Variants in PTPRD observed in about 807,000 individuals in gnomAD.
PTPRD encodes receptor-type tyrosine-protein phosphatase delta.
In PTPRD, 34 loss-of-function variants were observed where a neutral mutation model predicts 214.5. The observed-to-expected ratio is 0.16, with a 90% CI of 0.12 to 0.21. The LOEUF (loss-of-function observed/expected upper bound fraction) is 0.21. Among genes scored for constraint, PTPRD ranks in the 10% least tolerant of loss-of-function variants. The probability of loss-of-function intolerance (pLI) is 1.00; values close to 1 mark genes in which losing one functional copy is unlikely to be tolerated. For synonymous variants in PTPRD, 1,128 were observed against 845.7 expected (o/e 1.33, Z -5.79); for missense variants, 2,545 against 2,398.7 (o/e 1.06, Z -1.27).
At chr9:8,809,946 G>A (rs375505157) in intron 11 of PTPRD, among the ~76,000 whole-genome samples, 5 of 152,090 alleles carry the variant, frequency 3.3e-5, no homozygotes, top group South Asian at 4.1e-4. Context: ...AATTTGACAC[G>A]CTCTTGCAGA....
intron 2 of PTPRD, among the ~76,000 whole-genome samples, chr9:10,559,228 A>G (rs2063304540): frequency 6.6e-6 from 1 of 152,176 alleles, no homozygotes; most frequent in Non-Finnish European, 1.5e-5. Context: ...TTATATGCAT[A>G]CAAATTATAG....
chr9:8,869,080 AAAAG>A (rs1216421429), intron 11 of PTPRD, among the ~76,000 whole-genome samples: 1 of 152,202 alleles, frequency 6.6e-6, no homozygotes, highest in African/African-American at 2.4e-5. Context: ...GAGAAACAAA[AAAAG>A]AAAGAATTGG....
intron 11 of PTPRD, among the ~76,000 whole-genome samples, chr9:8,879,337 C>A (rs1376592998): frequency 6.6e-6 from 1 of 152,116 alleles, no homozygotes; most frequent in Non-Finnish European, 1.5e-5. Context: ...TGAGTACTGA[C>A]CATACAATGT....
intron 21 of PTPRD, among the ~76,000 whole-genome samples, chr9:8,510,976 G>C: frequency 6.6e-6 from 1 of 151,934 alleles, no homozygotes; most frequent in Non-Finnish European, 1.5e-5. Flanking sequence ...GGTCTACAGA[G>C]GTTCCATTTC....
At chr9:10,305,645 T>C (rs1262512228) in intron 3 of PTPRD, among the ~76,000 whole-genome samples, 1 of 152,096 alleles carries the variant, frequency 6.6e-6, no homozygotes, top group Non-Finnish European at 1.5e-5. Context: ...AGAAGACATT[T>C]ATGCAGCCAA....
At chr9:10,366,812 T>C (rs12551331) in intron 2 of PTPRD, among the ~76,000 whole-genome samples, 16,602 of 152,168 alleles carry the variant, frequency 0.11, 1,611 homozygotes, top group East Asian at 0.47. Context: ...AAAAAACTCA[T>C]AATTCTCCTT....
chr9:9,003,549 T>A (rs2099433728), intron 11 of PTPRD, among the ~76,000 whole-genome samples: 1 of 152,012 alleles, frequency 6.6e-6, no homozygotes, highest in Non-Finnish European at 1.5e-5. Context: ...GTTGGCTGGA[T>A]CTCAGTGTTC....
intron 11 of PTPRD, among the ~76,000 whole-genome samples, chr9:9,007,485 G>C (rs1159645600): frequency 6.6e-6 from 1 of 151,088 alleles, no homozygotes; most frequent in South Asian, 2.1e-4. Flanking sequence ...TTTTTTTTAT[G>C]TGCTTGACCC....
At chr9:9,280,450 A>C (rs1483902853) in intron 9 of PTPRD, among the ~76,000 whole-genome samples, 1 of 151,354 alleles carries the variant, frequency 6.6e-6, no homozygotes, top group Admixed American at 6.6e-5. Flanking sequence ...ATATAAGACT[A>C]ATTTATAAAA....
At chr9:8,695,672 G>T (rs948451378) in intron 12 of PTPRD, among the ~76,000 whole-genome samples, 22 of 152,034 alleles carry the variant, frequency 1.4e-4, no homozygotes, top group African/African-American at 5.3e-4. Flanking sequence ...AGCTACTATA[G>T]CTGAACTTCA....
At chr9:9,105,650 C>A (rs1018630034) in intron 10 of PTPRD, among the ~76,000 whole-genome samples, 7 of 152,090 alleles carry the variant, frequency 4.6e-5, no homozygotes, top group African/African-American at 1.7e-4. Flanking sequence ...TTTCCCATGG[C>A]ACAAAACAAA....
At chr9:8,585,639 T>A (rs1213190705) in intron 14 of PTPRD, among the ~76,000 whole-genome samples, 2 of 152,232 alleles carry the variant, frequency 1.3e-5, no homozygotes, top group African/African-American at 2.4e-5. Flanking sequence ...TCAGATTTCT[T>A]AGTATCCTTT....
At chr9:8,598,576 G>C (rs534928721) in intron 14 of PTPRD, among the ~76,000 whole-genome samples, 1 of 152,260 alleles carries the variant, frequency 6.6e-6, no homozygotes, top group African/African-American at 2.4e-5. Flanking sequence ...TAATATTTTT[G>C]ACCCTTAGAA....
At chr9:8,431,105 T>C (rs2095020115) in intron 35 of PTPRD, among the ~76,000 whole-genome samples, 1 of 152,178 alleles carries the variant, frequency 6.6e-6, no homozygotes, top group Admixed American at 6.5e-5. Context: ...AAGATCTGTA[T>C]GAGTGGACTG....
At chr9:9,970,706 C>A (rs376056788) in intron 4 of PTPRD, among the ~76,000 whole-genome samples, 2 of 152,072 alleles carry the variant, frequency 1.3e-5, no homozygotes, top group Non-Finnish European at 2.9e-5. Context: ...CGCTGGTTGA[C>A]CGAATAGAGT....
intron 9 of PTPRD, among the ~76,000 whole-genome samples, chr9:9,300,893 G>T (rs962228095): frequency 6.6e-6 from 1 of 151,728 alleles, no homozygotes; most frequent in Admixed American, 6.6e-5. Context: ...TACGCATATT[G>T]TTATTTATAT....
chr9:10,126,634 A>G (rs990648874), intron 3 of PTPRD, among the ~76,000 whole-genome samples: 1 of 152,120 alleles, frequency 6.6e-6, no homozygotes, highest in Admixed American at 6.6e-5. Flanking sequence ...TTCATCAGCA[A>G]CACCAGAACA....
chr9:9,524,588 A>G (rs1164881567), intron 8 of PTPRD, among the ~76,000 whole-genome samples: 1 of 152,162 alleles, frequency 6.6e-6, no homozygotes, highest in African/African-American at 2.4e-5. Context: ...TTTCTTTATT[A>G]TTTCATATTG....
At chr9:9,393,474 G>C (rs1218884935) in intron 9 of PTPRD, among the ~76,000 whole-genome samples, 1 of 152,108 alleles carries the variant, frequency 6.6e-6, no homozygotes, top group African/African-American at 2.4e-5. Context: ...ACATGGAAAA[G>C]AACTGAGACC....
Sources: gnomAD v4.1 joint callset for allele counts (sites outside exome capture counted in the v4.1 genomes callset) on GRCh38, gnomAD v4.1.1 for gene constraint, MANE v1.5 for transcripts, NCBI Gene and HGNC (gene_info 2026-07-23, HGNC 2026-07-21) for gene names.